Variants in AGL observed in about 807,000 individuals in gnomAD.
AGL encodes the protein glycogen debranching enzyme.
In AGL, 128 loss-of-function variants were observed where a neutral mutation model predicts 199.3. The ratio of observed to expected loss-of-function variants is 0.64; its 90% confidence interval spans 0.56 to 0.74. AGL has a LOEUF of 0.74. Among genes scored for constraint, AGL ranks in the 30% least tolerant of loss-of-function variants. The pLI is 0.00. For synonymous variants in AGL, 584 were observed against 594.7 expected (o/e 0.98, Z 0.26); for missense variants, 1,809 against 1,820.8 (o/e 0.99, Z 0.12).
intron 21 of AGL, among the ~76,000 whole-genome samples, chr1:99,890,380 C>T (rs995768892): frequency 1.4e-5 from 2 of 146,868 alleles, no homozygotes; most frequent in African/African-American, 2.4e-5. Context: ...AGTCTTGTTT[C>T]CCAACATCTT....
chr1:99,889,335 T>C (rs1336766777), intron 21 of AGL, among the ~76,000 whole-genome samples: 1 of 152,220 alleles, frequency 6.6e-6, no homozygotes, highest in Non-Finnish European at 1.5e-5. Flanking sequence ...CAATAAACTT[T>C]TTTGAGACTT....
In AGL at chr1:99,900,733, G is replaced by C. The variant is rs1306790209; in HGVS notation, c.3460G>C (p.Val1154Leu). The C allele has an allele frequency of 6.2e-7, 1 of 1,614,182 alleles. No individual in the cohort carries two copies. The highest frequency in any genetic ancestry group is 8.5e-7 in the Non-Finnish European group (1 of 1,180,010). ...TGCCAGATACAATTGTCGGGATGCT[G>C]TGTGGTGGTGGCTGCAGTGTATCCA... ...IYARYNCRDA[V>L]WWWLQCIQDY... The change falls in exon 26 of 34, where the codon GTG becomes CTG. Residue 1154 changes from valine to leucine, a missense_variant. By Grantham distance (32) the Val-to-Leu change is conservative. Transcript: ENST00000361915.
intron 2 of AGL, among the ~76,000 whole-genome samples, chr1:99,857,060 G>GAT (rs1394115159): frequency 1.3e-4 from 20 of 151,538 alleles, no homozygotes; most frequent in African/African-American, 4.8e-4. Flanking sequence ...CGGCTGGCCG[G>GAT]GCAGGGGGCT....
intron 27 of AGL, 23 bp downstream of exon 27, chr1:99,902,817 G>C: frequency 1.3e-6 from 2 of 1,551,668 alleles, no homozygotes; most frequent in Non-Finnish European, 1.8e-6. Flanking sequence ...AACTAAAATA[G>C]TACAAATTTA....
At chr1:99,865,131 G>T (rs1650398757) in intron 5 of AGL, among the ~76,000 whole-genome samples, 1 of 151,952 alleles carries the variant, frequency 6.6e-6, no homozygotes, top group East Asian at 1.9e-4. Context: ...TTAATAGCCT[G>T]CTCAGTTATC....
chr1:99,865,204 T>G (rs1650409654), intron 5 of AGL, among the ~76,000 whole-genome samples: 1 of 152,118 alleles, frequency 6.6e-6, no homozygotes, highest in Admixed American at 6.6e-5. Flanking sequence ...ATCTATAGTT[T>G]TACACATCCA....
intron 4 of AGL, among the ~76,000 whole-genome samples, chr1:99,862,939 A>G (rs1290296653): frequency 1.4e-5 from 2 of 141,254 alleles, no homozygotes; most frequent in Non-Finnish European, 3.0e-5. Context: ...ATAGAACCAT[A>G]TTAAAAAAAA....
chr1:99,877,391 G>A (rs552200639), intron 11 of AGL, among the ~76,000 whole-genome samples: 6 of 152,224 alleles, frequency 3.9e-5, no homozygotes, highest in East Asian at 3.9e-4. Context: ...CTTATGATGC[G>A]ACTTGGGTTT....
At position 99,891,659 on chromosome 1, in the gene AGL, C is replaced by T; in HGVS notation, c.3003C>T (p.Tyr1001=). The T allele has an allele frequency of 6.2e-7, 1 of 1,613,572 alleles. No homozygotes were observed. Among genetic ancestry groups the T allele is most frequent in the Non-Finnish European group, 8.5e-7 (1 of 1,179,602 alleles). The change falls in exon 23 of 34, where the codon TAC becomes TAT. Residue 1001 remains tyrosine (Y), a synonymous_variant. Coordinates refer to ENST00000361915, the MANE Select transcript of AGL (RefSeq NM_000642.3). ...TCTACCTGAAGCAGATCCCACGTTA[C>T]CTTATCCCATGTTACTTTGATGCTA... ...MFFYLKQIPR[Y]LIPCYFDAIL...
chr1:99,911,359 C>G (rs953439209), intron 28 of AGL, among the ~76,000 whole-genome samples: 3 of 151,912 alleles, frequency 2.0e-5, no homozygotes, highest in African/African-American at 7.3e-5. Context: ...TACTATCACC[C>G]AAATAACGTA....
At chr1:99,891,829 A>G (rs1222284064) in intron 23 of AGL, 90 bp downstream of exon 23, 5 of 1,466,946 alleles carry the variant, frequency 3.4e-6, no homozygotes, top group Middle Eastern at 1.7e-4. Context: ...AAACCAAACC[A>G]TAAAGAATTG....
intron 17 of AGL, among the ~76,000 whole-genome samples, chr1:99,882,679 T>G (rs1398766799): frequency 1.3e-5 from 2 of 152,170 alleles, no homozygotes; most frequent in Non-Finnish European, 2.9e-5. Context: ...GTCCTTAATA[T>G]TACTTGATTT....
chr1:99,853,638 A>T (rs184119334), intron 2 of AGL, among the ~76,000 whole-genome samples: 1 of 152,302 alleles, frequency 6.6e-6, no homozygotes, highest in Non-Finnish European at 1.5e-5. Context: ...TTGTAATCTC[A>T]GTGCTTTGGG....
chr1:99,893,803 A>G (rs1653093725), intron 24 of AGL, among the ~76,000 whole-genome samples: 1 of 152,208 alleles, frequency 6.6e-6, no homozygotes, highest in Admixed American at 6.5e-5. Flanking sequence ...ATACTTGTAA[A>G]AAATAGGACT....
Position 99,900,839 on chromosome 1 carries a change from C to T in AGL, c.3566C>T (p.Ala1189Val). Residue 1189 changes from alanine (A) to valine (V), a missense_variant, in exon 26 of 34, where the codon GCT (alanine) becomes GTT (valine). Ala to Val is a moderately conservative substitution (Grantham distance 64). Coordinates refer to ENST00000361915, the MANE Select transcript of AGL (RefSeq NM_000642.3). ...VSRMYPTDDSAPLPAGTLDQP... is the reference protein window; with the variant it reads ...VSRMYPTDDSVPLPAGTLDQP... ...AGAATGTATCCTACAGATGATTCTG[C>T]TCCTTTGCCTGCTGGCACACTGGTA... 2.5e-6 allele frequency: 4 copies of T among 1,611,618 alleles called. No individual in the cohort carries two copies. The highest frequency in any genetic ancestry group is 3.4e-6 in the Non-Finnish European group (4 of 1,178,592).
At position 99,876,500 on chromosome 1, in the gene AGL, A is replaced by G. The variant is rs886044919; in HGVS notation, c.1326A>G (p.Glu442=). 2 of 1,610,508 alleles carry G rather than the reference A, an allele frequency of 1.2e-6. No homozygotes were observed. Among genetic ancestry groups the G allele is most frequent in the Non-Finnish European group, 1.7e-6 (2 of 1,176,752 alleles). ...TTGAAGAGATAGACTTCTCCATGGAAGAATCTATGATTCATCTGCCAAATA... is the reference window on the plus strand; with the variant it reads ...TTGAAGAGATAGACTTCTCCATGGAGGAATCTATGATTCATCTGCCAAATA... ...FPFEEIDFSM[E]ESMIHLPNKA... The change falls in exon 11 of 34, where the codon GAA becomes GAG. Residue 442 remains glutamate, a synonymous_variant. Coordinates refer to ENST00000361915, the MANE Select transcript of AGL (RefSeq NM_000642.3).
chr1:99,862,297 A>C lies in AGL; in HGVS notation c.334A>C (p.Ile112Leu). ...SGGGYIVVDP[I>L]LRVGADNHVL... is the part of the protein sequence containing the mutation. Reference sequence around the variant, plus strand: ...TGGAGGTTACATAGTTGTGGACCCCATTTTACGTGTTGGTGCTGATAATCA... The same window carrying C: ...TGGAGGTTACATAGTTGTGGACCCCCTTTTACGTGTTGGTGCTGATAATCA... The change falls in exon 4 of 34, where the codon ATT becomes CTT. Residue 112 changes from isoleucine to leucine, a missense_variant. Physicochemically the swap from Ile to Leu is conservative, Grantham distance 5. Transcript: ENST00000361915. The C allele has an allele frequency of 6.2e-7, 1 of 1,613,966 alleles. No individual in the cohort carries two copies. The highest frequency in any genetic ancestry group is 8.5e-7 in the Non-Finnish European group (1 of 1,179,990).
At chr1:99,921,499 T>C in intron 33 of AGL, 35 bp from the exon 34 acceptor site, 3 of 1,466,118 alleles carry the variant, frequency 2.0e-6, no homozygotes, top group East Asian at 2.3e-5. Flanking sequence ...ATGAATTAAA[T>C]TATGTCTTTG....
intron 17 of AGL, among the ~76,000 whole-genome samples, chr1:99,882,095 C>T (rs912164319): frequency 2.7e-5 from 4 of 150,022 alleles, no homozygotes; most frequent in African/African-American, 9.9e-5. Context: ...GTCCAGATCC[C>T]ACCACTGCAC....
Sources: allele counts gnomAD v4.1 joint callset (sites outside exome capture counted in the v4.1 genomes callset), GRCh38; gene constraint gnomAD v4.1.1; transcripts MANE v1.5; gene names NCBI Gene and HGNC (gene_info 2026-07-23, HGNC 2026-07-21).